Variants in SERINC5 observed in about 807,000 individuals in gnomAD.
SERINC5 encodes the protein chromosome 5 open reading frame 12.
Under a neutral mutation model 63.1 loss-of-function variants are expected in SERINC5, and 41 were observed. The observed-to-expected ratio is 0.65, with a 90% CI of 0.51 to 0.84. The LOEUF is 0.84. SERINC5 is among the 40% of genes least tolerant of loss of function. The pLI, the probability that SERINC5 is intolerant of heterozygous loss-of-function variation, is 0.00. For synonymous variants in SERINC5, 222 were observed against 215.2 expected, an observed-to-expected ratio of 1.03 and a Z score of -0.28; for missense variants, 523 against 573.0, an observed-to-expected ratio of 0.91 and a Z score of 0.89.
rs1749403109 is a variant in SERINC5 at position 80,194,806 on chromosome 5, AC to A, written c.195+8079del. On this transcript the variant is annotated intron_variant, in intron 2 of 11. Transcript: ENST00000507668. ...TGTGACTTCTGTGAATATCTGACCA[AC>A]AAGCAAACCTAGTTGCACAAACAGG... 2.6e-5 allele frequency among the ~76,000 whole-genome samples: 4 copies of A among 152,296 alleles called. No individual in the cohort carries two copies. In the South Asian group the frequency reaches 8.3e-4, roughly 32 times the overall value.
rs1395563250 is a variant in SERINC5 at position 80,141,245 on chromosome 5, A to C, written c.*2418T>G. On this transcript the variant is annotated 3_prime_UTR_variant, in exon 12 of 12. Coordinates refer to ENST00000507668, the MANE Select transcript of SERINC5 (RefSeq NM_001174072.3). ...GTAACTCTTCCTCTTGCATCAGACC[A>C]ACCGGCAGAAGGGAACGGGATGTCA... is the stretch of plus-strand genomic sequence containing the variant. 1.0e-6 allele frequency: 1 copy of C among 985,350 alleles called. No homozygotes were observed. Among genetic ancestry groups the C allele is most frequent in the African/African-American group, 1.7e-5 (1 of 57,224 alleles). 61.0% of individuals were successfully genotyped at this position (985,350 alleles called of 1,614,324 possible).
intron 3 of SERINC5, among the ~76,000 whole-genome samples, chr5:80,177,629 G>A (rs564387261): frequency 6.6e-5 from 10 of 152,194 alleles, no homozygotes; most frequent in Non-Finnish European, 1.0e-4. Flanking sequence ...GGGTGGAAAT[G>A]ACCTGGGGGA....
rs139285905 is a variant in SERINC5 at position 80,170,386 on chromosome 5, G to A, written c.552-840C>T. 4.8e-3 allele frequency among the ~76,000 whole-genome samples: 727 copies of A among 152,232 alleles called. 5 individuals carry two copies. Among genetic ancestry groups the A allele is most frequent in the African/African-American group, 0.016 (682 of 41,546 alleles). On this transcript the variant is annotated intron_variant, in intron 5 of 11. Coordinates refer to ENST00000507668, the MANE Select transcript of SERINC5 (RefSeq NM_001174072.3). ...ATGAGCAATTTGAGGGCAGCCATCC[G>A]GGTTGCATGGGGCCTTTTGCCTTCT...
chr5:80,223,737 TG>T (rs1420239266), intron 1 of SERINC5, among the ~76,000 whole-genome samples: 1 of 152,198 alleles, frequency 6.6e-6, no homozygotes, highest in Non-Finnish European at 1.5e-5. Flanking sequence ...TTCCTGAGCT[TG>T]GCAGGGTGGG....
At chr5:80,148,189 CTTTTTTTTTT>C (rs796769914) in intron 9 of SERINC5, among the ~76,000 whole-genome samples, 1 of 102,334 alleles carries the variant, frequency 9.8e-6, no homozygotes, top group East Asian at 3.0e-4. Flanking sequence ...ATTTTTTATT[CTTTTTTTTTT>C]TTTTTTTTGA....
chr5:80,185,630 G>A (rs548184972), intron 2 of SERINC5, among the ~76,000 whole-genome samples: 9 of 152,246 alleles, frequency 5.9e-5, no homozygotes, highest in South Asian at 2.1e-4. Flanking sequence ...GGGTGGGGCC[G>A]TTTTATAAGA....
chr5:80,158,788 T>C (rs781409425), intron 8 of SERINC5, 48 bp downstream of exon 8: 1 of 1,571,320 alleles, frequency 6.4e-7, no homozygotes, highest in South Asian at 1.1e-5. Flanking sequence ...TCTTTTCCTG[T>C]AATTTTAAAG....
At chr5:80,236,937 T>C (rs11958347) in intron 1 of SERINC5, among the ~76,000 whole-genome samples, 77,698 of 151,862 alleles carry the variant, frequency 0.51, 20,153 homozygotes, top group Middle Eastern at 0.57. Flanking sequence ...GAAACCTCCA[T>C]TTCCCAGGTT....
At chr5:80,230,459 A>AAAG (rs1554071008) in intron 1 of SERINC5, among the ~76,000 whole-genome samples, 2 of 128,618 alleles carry the variant, frequency 1.6e-5, no homozygotes, top group Admixed American at 8.3e-5. Context: ...AAAAAAAAAA[A>AAAG]AAAGAAACCA....
At chr5:80,198,560 G>A (rs1749642680) in intron 2 of SERINC5, 1 of 985,304 alleles carries the variant, frequency 1.0e-6, no homozygotes, top group Non-Finnish European at 1.2e-6. Flanking sequence ...TCCCATCCGG[G>A]CCGTTACAAG....
intron 8 of SERINC5, among the ~76,000 whole-genome samples, chr5:80,151,568 ACT>A (rs111628855): frequency 0.075 from 11,378 of 152,144 alleles, 1,400 homozygotes; most frequent in African/African-American, 0.26. Context: ...TGCCTGTAAT[ACT>A]CTGAGAGGAA....
intron 11 of SERINC5, among the ~76,000 whole-genome samples, chr5:80,119,588 G>A (rs1744462814): frequency 6.6e-6 from 1 of 152,184 alleles, no homozygotes; most frequent in Non-Finnish European, 1.5e-5. Context: ...ACAGATGGAA[G>A]GTCAGCTACA....
intron 7 of SERINC5, among the ~76,000 whole-genome samples, chr5:80,160,169 G>A (rs1020280093): frequency 2.0e-5 from 3 of 152,184 alleles, no homozygotes; most frequent in Non-Finnish European, 4.4e-5. Flanking sequence ...ATCCGAATTG[G>A]ATTGGAGGAC....
intron 1 of SERINC5, among the ~76,000 whole-genome samples, chr5:80,215,612 C>A (rs1750626671): frequency 6.6e-6 from 1 of 152,136 alleles, no homozygotes; most frequent in South Asian, 2.1e-4. Context: ...TCTAAAGCGC[C>A]AAGGCTTTCA....
chr5:80,174,640 G>A (rs535148887), intron 5 of SERINC5, among the ~76,000 whole-genome samples: 3 of 151,696 alleles, frequency 2.0e-5, no homozygotes, highest in African/African-American at 4.8e-5. Context: ...GCGGTGGCTC[G>A]AGCCTGTAAT....
intron 1 of SERINC5, among the ~76,000 whole-genome samples, chr5:80,228,613 G>A (rs1204347229): frequency 6.6e-6 from 1 of 151,986 alleles, no homozygotes; most frequent in African/African-American, 2.4e-5. Context: ...ATGCCACCAT[G>A]CCCTGCTAGT....
intron 4 of SERINC5, among the ~76,000 whole-genome samples, chr5:80,175,304 T>C (rs1343370832): frequency 6.6e-6 from 1 of 152,102 alleles, no homozygotes; most frequent in Admixed American, 6.5e-5. Context: ...GACCCTGAAA[T>C]ATCCAAGCTT....
At chr5:80,150,760 T>C in intron 9 of SERINC5, 122 bp downstream of exon 9, 1 of 766,840 alleles carries the variant, frequency 1.3e-6, no homozygotes, top group South Asian at 1.5e-5. Context: ...TATACAAAAA[T>C]CTTTCCTCAG....
chr5:80,214,154 C>T (rs1293627292), intron 1 of SERINC5, among the ~76,000 whole-genome samples: 1 of 152,110 alleles, frequency 6.6e-6, no homozygotes, highest in African/African-American at 2.4e-5. Flanking sequence ...CATGGAAAGA[C>T]GTCCACACTG....
Sources: allele counts gnomAD v4.1 joint callset (sites outside exome capture counted in the v4.1 genomes callset), GRCh38; gene constraint gnomAD v4.1.1; transcripts MANE v1.5; gene names NCBI Gene and HGNC (gene_info 2026-07-23, HGNC 2026-07-21).